FSIP1: variants seen among roughly 807,000 people sequenced by gnomAD.
FSIP1 encodes fibrous sheath-interacting protein 1.
FSIP1 carries 65 observed loss-of-function variants against 60.9 expected under a neutral mutation model. The observed-to-expected ratio is 1.07, with a 90% CI of 0.87 to 1.31. The LOEUF (loss-of-function observed/expected upper bound fraction) is 1.31, where lower values mean the gene tolerates loss of function less well. Among genes scored for constraint, FSIP1 ranks in the 40% most tolerant of loss-of-function variants. The probability of loss-of-function intolerance (pLI) is 0.00; values close to 1 mark genes in which losing one functional copy is unlikely to be tolerated. For missense variants in FSIP1, 675 were observed against 665.5 expected, an observed-to-expected ratio of 1.01 and a Z score of -0.16; for synonymous variants, 209 against 221.2, an observed-to-expected ratio of 0.94 and a Z score of 0.49.
intron 10 of FSIP1, among the ~76,000 whole-genome samples, chr15:39,713,153 T>C (rs1463226781): frequency 3.3e-5 from 5 of 152,240 alleles, no homozygotes; most frequent in Non-Finnish European, 7.3e-5. Context: ...ATTTTTAGCT[T>C]TTATTCACAT....
intron 5 of FSIP1, among the ~76,000 whole-genome samples, chr15:39,744,810 C>CACACA (rs67193385): frequency 6.9e-6 from 1 of 145,656 alleles, no homozygotes; most frequent in Non-Finnish European, 1.5e-5. Flanking sequence ...CACACACACA[C>CACACA]AGTTCCCCAC....
At chr15:39,685,956 C>T (rs1894355690) in intron 10 of FSIP1, among the ~76,000 whole-genome samples, 1 of 152,114 alleles carries the variant, frequency 6.6e-6, no homozygotes, top group South Asian at 2.1e-4. Context: ...TAACATTTAA[C>T]CCAAGTTTTT....
At chr15:39,696,047 A>T (rs1894800387) in intron 10 of FSIP1, among the ~76,000 whole-genome samples, 1 of 152,252 alleles carries the variant, frequency 6.6e-6, no homozygotes, top group Non-Finnish European at 1.5e-5. Context: ...CAGGGCTTAT[A>T]CATGAAAGTA....
At chr15:39,678,053 T>C (rs368745568) in intron 10 of FSIP1, among the ~76,000 whole-genome samples, 3 of 151,888 alleles carry the variant, frequency 2.0e-5, no homozygotes, top group East Asian at 3.9e-4. Context: ...ATTTTCATAA[T>C]GTAACATAAT....
intron 10 of FSIP1, among the ~76,000 whole-genome samples, chr15:39,671,128 T>C (rs1893702112): frequency 6.6e-6 from 1 of 152,240 alleles, no homozygotes. Context: ...AGTTGAAAGA[T>C]GAATGATAAT....
intron 5 of FSIP1, among the ~76,000 whole-genome samples, chr15:39,753,278 T>A (rs1225109948): frequency 6.6e-6 from 1 of 152,122 alleles, no homozygotes; most frequent in East Asian, 1.9e-4. Context: ...CTGTGTTATA[T>A]AAACTGTTTC....
intron 10 of FSIP1, among the ~76,000 whole-genome samples, chr15:39,640,884 G>A (rs1198281608): frequency 6.6e-6 from 1 of 152,212 alleles, no homozygotes; most frequent in Non-Finnish European, 1.5e-5. Flanking sequence ...CACTGGGATT[G>A]GCCAAGACTT....
intron 11 of FSIP1, among the ~76,000 whole-genome samples, chr15:39,617,078 A>G (rs541364412): frequency 1.3e-4 from 20 of 152,382 alleles, no homozygotes; most frequent in Non-Finnish European, 2.2e-4. Context: ...GAATAGATTA[A>G]TAGATAGAAA....
At chr15:39,674,590 C>T (rs559680844) in intron 10 of FSIP1, among the ~76,000 whole-genome samples, 1 of 151,832 alleles carries the variant, frequency 6.6e-6, no homozygotes, top group African/African-American at 2.4e-5. Flanking sequence ...AAAAAAATCC[C>T]ACACATATGC....
chr15:39,781,520 T>C (rs1898264011), intron 1 of FSIP1, among the ~76,000 whole-genome samples: 1 of 152,146 alleles, frequency 6.6e-6, no homozygotes, highest in Admixed American at 6.5e-5. Flanking sequence ...TACATGAATA[T>C]TTATACCAGC....
At chr15:39,730,244 T>A (rs1027659124) in intron 8 of FSIP1, among the ~76,000 whole-genome samples, 1 of 152,068 alleles carries the variant, frequency 6.6e-6, no homozygotes, top group African/African-American at 2.4e-5. Context: ...CTGGCAGACA[T>A]CCCCCTAGGA....
chr15:39,597,874 T>C (rs1890511069), downstream of FSIP1: 1 of 152,186 alleles, frequency 6.6e-6, no homozygotes, highest in Admixed American at 6.5e-5. Flanking sequence ...AATGATGCCT[T>C]GGGTGGGCAA....
At chr15:39,754,913 C>T (rs1233861534) in intron 5 of FSIP1, among the ~76,000 whole-genome samples, 1 of 151,976 alleles carries the variant, frequency 6.6e-6, no homozygotes, top group East Asian at 1.9e-4. Context: ...GAAGCAGCTT[C>T]CACAGCGTGA....
intron 10 of FSIP1, among the ~76,000 whole-genome samples, chr15:39,674,029 G>C (rs1435441365): frequency 6.6e-6 from 1 of 151,362 alleles, no homozygotes; most frequent in African/African-American, 2.4e-5. Context: ...ATAGAGAAGG[G>C]AACATCCTTA....
intron 8 of FSIP1, among the ~76,000 whole-genome samples, chr15:39,734,409 A>G (rs1417803936): frequency 1.3e-5 from 2 of 152,176 alleles, no homozygotes; most frequent in African/African-American, 2.4e-5. Context: ...GTTTAGAGAG[A>G]TTCCTAACAT....
At chr15:39,614,832 T>G (rs780216967) in intron 11 of FSIP1, among the ~76,000 whole-genome samples, 1 of 152,106 alleles carries the variant, frequency 6.6e-6, no homozygotes, top group Non-Finnish European at 1.5e-5. Context: ...AGACCCTGAA[T>G]AGCCAAAGAA....
chr15:39,718,949 A>G (rs1895852881), intron 9 of FSIP1, among the ~76,000 whole-genome samples: 1 of 152,198 alleles, frequency 6.6e-6, no homozygotes, highest in Non-Finnish European at 1.5e-5. Context: ...TCTGGGTCTC[A>G]GTTACTTCTG....
chr15:39,633,088 C>CTCCTTT, intron 10 of FSIP1, among the ~76,000 whole-genome samples: 1 of 120,712 alleles, frequency 8.3e-6, no homozygotes, highest in Non-Finnish European at 1.7e-5. Context: ...ATAGGCTATA[C>CTCCTTT]TTCTTTTTTT....
At chr15:39,730,255 T>C (rs1275665830) in intron 8 of FSIP1, among the ~76,000 whole-genome samples, 1 of 152,190 alleles carries the variant, frequency 6.6e-6, no homozygotes, top group African/African-American at 2.4e-5. Context: ...CCCCCTAGGA[T>C]ATCCACAGAT....
Sources: gnomAD v4.1 joint callset for allele counts (sites outside exome capture counted in the v4.1 genomes callset) on GRCh38, gnomAD v4.1.1 for gene constraint, MANE v1.5 for transcripts, NCBI Gene and HGNC (gene_info 2026-07-23, HGNC 2026-07-21) for gene names.